The following MACROD2 variants were observed in gnomAD, a reference collection of about 807,000 sequenced individuals.
The protein encoded by MACROD2 is mono-ADP ribosylhydrolase 2.
Under a neutral mutation model 70.4 loss-of-function variants are expected in MACROD2, and 36 were observed. The observed-to-expected ratio is 0.51, with a 90% confidence interval of 0.39 to 0.68. The LOEUF (loss-of-function observed/expected upper bound fraction) is 0.68. Among genes scored for constraint, MACROD2 ranks in the 30% least tolerant of loss-of-function variants. MACROD2 has a pLI of 0.00. For synonymous variants in MACROD2, 172 were observed against 178.8 expected (o/e 0.96, Z 0.30); for missense variants, 496 against 538.4 (o/e 0.92, Z 0.78).
At chr20:15,887,110 C>T (rs1034197232) in intron 10 of MACROD2, among the ~76,000 whole-genome samples, 1 of 152,110 alleles carries the variant, frequency 6.6e-6, no homozygotes, top group Non-Finnish European at 1.5e-5. Context: ...GCTCCATCAG[C>T]AGGGAGCTCT....
intron 5 of MACROD2, among the ~76,000 whole-genome samples, chr20:14,833,016 G>T (rs2072989236): frequency 6.6e-6 from 1 of 152,158 alleles, no homozygotes; most frequent in East Asian, 1.9e-4. Flanking sequence ...AACATTGTGT[G>T]TCCACACTGT....
chr20:14,400,274 AT>A (rs1303333769), intron 3 of MACROD2, among the ~76,000 whole-genome samples: 1 of 152,138 alleles, frequency 6.6e-6, no homozygotes, highest in African/African-American at 2.4e-5. Context: ...ACCAGAGCAG[AT>A]TTTATTCTAG....
intron 9 of MACROD2, among the ~76,000 whole-genome samples, chr20:15,869,246 G>T (rs1383792571): frequency 1.9e-3 from 179 of 94,438 alleles, no homozygotes; most frequent in Non-Finnish European, 2.5e-3. Flanking sequence ...TATAGAGAGA[G>T]AGAGAGAGAG....
intron 5 of MACROD2, among the ~76,000 whole-genome samples, chr20:14,846,811 C>CTAT: frequency 6.6e-6 from 1 of 151,042 alleles, no homozygotes; most frequent in South Asian, 2.1e-4. Flanking sequence ...GCCACCGCAT[C>CTAT]CGGCCTTAAT....
At chr20:14,636,533 G>C (rs547263940) in intron 4 of MACROD2, 1 of 152,254 alleles carries the variant, frequency 6.6e-6, no homozygotes, top group Non-Finnish European at 1.5e-5. Flanking sequence ...CGAAAGGCAA[G>C]AGTGATCCTG....
At chr20:15,254,668 C>G (rs1197517749) in intron 6 of MACROD2, among the ~76,000 whole-genome samples, 1 of 152,126 alleles carries the variant, frequency 6.6e-6, no homozygotes, top group Non-Finnish European at 1.5e-5. Context: ...ATTCATCTAA[C>G]AAACAAGGTG....
At chr20:14,471,091 T>G (rs2084525336) in intron 3 of MACROD2, among the ~76,000 whole-genome samples, 1 of 152,178 alleles carries the variant, frequency 6.6e-6, no homozygotes, top group African/African-American at 2.4e-5. Context: ...TGGGTTTCTA[T>G]GACCATGGGA....
intron 4 of MACROD2, among the ~76,000 whole-genome samples, chr20:14,583,018 G>T (rs1981137783): frequency 6.6e-6 from 1 of 152,042 alleles, no homozygotes; most frequent in Non-Finnish European, 1.5e-5. Flanking sequence ...AGTACTCATG[G>T]ATGATGCAAC....
intron 5 of MACROD2, among the ~76,000 whole-genome samples, chr20:14,882,890 G>T (rs561485351): frequency 6.6e-6 from 1 of 152,220 alleles, no homozygotes; most frequent in African/African-American, 2.4e-5. Flanking sequence ...ACAGATGTAA[G>T]AAACAATTCC....
chr20:15,572,086 C>A (rs2048383619), intron 8 of MACROD2, among the ~76,000 whole-genome samples: 1 of 152,082 alleles, frequency 6.6e-6, no homozygotes, highest in South Asian at 2.1e-4. Flanking sequence ...TTGGTAAACA[C>A]CCCTTTCACA....
chr20:15,473,637 A>G (rs1196924116), intron 7 of MACROD2, among the ~76,000 whole-genome samples: 1 of 152,148 alleles, frequency 6.6e-6, no homozygotes, highest in African/African-American at 2.4e-5. Context: ...CTAAGCTTGA[A>G]GGAATTCTAC....
Position 14,818,018 on chromosome 20 carries a change from C to T in MACROD2, c.418+133059C>T, listed in dbSNP as rs527515383. On this transcript the variant is annotated intron_variant, in intron 5 of 17. Transcript: ENST00000684519. The stretch of plus-strand genomic sequence containing the variant: ...GGGCCACCAAAAACATCTGCCATAT[C>T]TTCTGTGGGCTTACATCCACCCAAA... Among the ~76,000 whole-genome samples, 5 of 152,260 alleles carry T rather than the reference C, an allele frequency of 3.3e-5. No individual in the cohort carries two copies. The South Asian group carries it at 1.0e-3, about 32-fold the overall frequency.
intron 8 of MACROD2, among the ~76,000 whole-genome samples, chr20:15,590,397 G>A (rs1427780738): frequency 1.3e-5 from 2 of 152,178 alleles, no homozygotes; most frequent in Admixed American, 1.3e-4. Context: ...CTGGAATTCA[G>A]ACCCAGCCTT....
intron 5 of MACROD2, among the ~76,000 whole-genome samples, chr20:15,000,719 G>A (rs989605007): frequency 1.1e-4 from 16 of 150,556 alleles, no homozygotes; most frequent in African/African-American, 3.7e-4. Context: ...TACAAGGTAG[G>A]ATTGGTCCAC....
chr20:15,569,641 G>A lies in MACROD2; in HGVS notation c.645+69794G>A, dbSNP rs182288932. Among the ~76,000 whole-genome samples, 194 of 152,264 alleles carry A rather than the reference G, an allele frequency of 1.3e-3. 1 individual carries two copies. Among genetic ancestry groups the A allele is most frequent in the Admixed American group, 1.7e-3 (26 of 15,284 alleles). ...TGCATATAAGAAGTGAGATCATGCAGCATTTGTTTTTTCTGTGCCTGGCTT... is the reference window on the plus strand; with the variant it reads ...TGCATATAAGAAGTGAGATCATGCAACATTTGTTTTTTCTGTGCCTGGCTT... On this transcript the variant is annotated intron_variant, in intron 8 of 17. Coordinates refer to ENST00000684519, the MANE Select transcript of MACROD2 (RefSeq NM_001351661.2).
chr20:14,597,907 C>T (rs547443294), intron 4 of MACROD2, among the ~76,000 whole-genome samples: 1 of 152,096 alleles, frequency 6.6e-6, no homozygotes, highest in African/African-American at 2.4e-5. Flanking sequence ...GTTGATTGAA[C>T]TTCTCATTAT....
intron 5 of MACROD2, among the ~76,000 whole-genome samples, chr20:15,046,774 GTC>G (rs1406756515): frequency 2.0e-5 from 3 of 152,110 alleles, no homozygotes; most frequent in Non-Finnish European, 4.4e-5. Context: ...TGGCCTCTCT[GTC>G]TACTCTTTCC....
chr20:15,811,245 AAAAC>A (rs1212540101), intron 8 of MACROD2, among the ~76,000 whole-genome samples: 2 of 151,808 alleles, frequency 1.3e-5, no homozygotes, highest in Non-Finnish European at 1.5e-5. Context: ...TTACAAGAAA[AAAAC>A]AAACAACCCC....
chr20:14,485,901 T>C (rs148135706), intron 3 of MACROD2, among the ~76,000 whole-genome samples: 3 of 152,224 alleles, frequency 2.0e-5, no homozygotes, highest in South Asian at 2.1e-4. Flanking sequence ...CTCTGCTATA[T>C]TGATCATTCT....
Sources: allele counts gnomAD v4.1 joint callset (sites outside exome capture counted in the v4.1 genomes callset), GRCh38; gene constraint gnomAD v4.1.1; transcripts MANE v1.5; gene names NCBI Gene and HGNC (gene_info 2026-07-23, HGNC 2026-07-21).